Variants in ROBO2 observed in about 807,000 individuals in gnomAD.
The protein encoded by ROBO2 is roundabout guidance receptor 2.
In ROBO2, 53 loss-of-function variants were observed where a neutral mutation model predicts 160.8. That is an observed-to-expected ratio of 0.33 (90% CI 0.26 to 0.41). The LOEUF is 0.41. Ranked by LOEUF, ROBO2 falls within the 10% of genes least tolerant of loss-of-function variation. The pLI, the probability that ROBO2 is intolerant of heterozygous loss-of-function variation, is 1.00. For missense variants in ROBO2, 1,577 were observed against 1,722.4 expected, an observed-to-expected ratio of 0.92 and a Z score of 1.49; for synonymous variants, 664 against 611.7, an observed-to-expected ratio of 1.09 and a Z score of -1.26.
At chr3:76,060,459 A>T (rs921463635) in intron 2 of ROBO2, among the ~76,000 whole-genome samples, 3 of 152,208 alleles carry the variant, frequency 2.0e-5, no homozygotes, top group African/African-American at 7.2e-5. Context: ...TTATAAAATT[A>T]TACTAGAGTG....
intron 2 of ROBO2, among the ~76,000 whole-genome samples, chr3:77,020,503 A>G (rs966332997): frequency 1.3e-5 from 2 of 152,202 alleles, no homozygotes; most frequent in Admixed American, 6.5e-5. Flanking sequence ...AATTTGCCCA[A>G]TGACTCTTAG....
chr3:77,008,729 T>A (rs2061713941), intron 2 of ROBO2, among the ~76,000 whole-genome samples: 1 of 152,138 alleles, frequency 6.6e-6, no homozygotes, highest in African/African-American at 2.4e-5. Context: ...TGTCAAGATA[T>A]GAAAATTAGA....
intron 2 of ROBO2, among the ~76,000 whole-genome samples, chr3:76,803,409 A>G (rs1408730863): frequency 1.9e-4 from 27 of 144,460 alleles, no homozygotes; most frequent in Middle Eastern, 3.5e-3. Flanking sequence ...GGATACAGAA[A>G]AGGAGGAGGA....
chr3:77,010,001 T>C (rs1005806541), intron 2 of ROBO2, among the ~76,000 whole-genome samples: 2 of 151,260 alleles, frequency 1.3e-5, no homozygotes, highest in East Asian at 3.9e-4. Flanking sequence ...CCTTGTTTTA[T>C]AGACATATTT....
chr3:76,296,590 A>G (rs1304410798), intron 2 of ROBO2, among the ~76,000 whole-genome samples: 1 of 152,146 alleles, frequency 6.6e-6, no homozygotes, highest in East Asian at 1.9e-4. Context: ...GTATCTGTTA[A>G]AACACTTCTA....
intron 2 of ROBO2, among the ~76,000 whole-genome samples, chr3:75,989,986 C>T (rs1263067864): frequency 6.6e-6 from 1 of 152,042 alleles, no homozygotes; most frequent in Non-Finnish European, 1.5e-5. Context: ...ATTGATTTCT[C>T]AAGGTATAAA....
At chr3:77,228,814 C>T (rs1023719879) in intron 2 of ROBO2, among the ~76,000 whole-genome samples, 1 of 151,964 alleles carries the variant, frequency 6.6e-6, no homozygotes, top group East Asian at 1.9e-4. Flanking sequence ...AATAAGAAGA[C>T]CCAATTATGT....
At chr3:77,613,400 G>A (rs1295962212) in intron 21 of ROBO2, among the ~76,000 whole-genome samples, 3 of 152,004 alleles carry the variant, frequency 2.0e-5, no homozygotes, top group African/African-American at 7.2e-5. Context: ...GGCAACGAAC[G>A]AGTGTAAGTA....
intron 2 of ROBO2, among the ~76,000 whole-genome samples, chr3:76,936,592 A>C (rs2149085185): frequency 6.6e-6 from 1 of 151,842 alleles, no homozygotes; most frequent in East Asian, 1.9e-4. Context: ...GAGCCAACAC[A>C]TTACAATTAC....
intron 2 of ROBO2, among the ~76,000 whole-genome samples, chr3:75,954,768 T>C (rs1270061866): frequency 1.3e-5 from 2 of 151,872 alleles, no homozygotes; most frequent in Admixed American, 6.6e-5. Context: ...TTACCCAAGA[T>C]TTTTCGAACA....
rs78084882 is a variant in ROBO2, at chr3:77,194,774, G to A, written c.388+96434G>A. Among the ~76,000 whole-genome samples, 158 of 152,188 alleles carry A rather than the reference G, an allele frequency of 1.0e-3. No homozygotes were observed. In the East Asian group the frequency reaches 0.018, roughly 18 times the overall value. On this transcript the variant is annotated intron_variant, in intron 2 of 25. Transcript: ENST00000461745. ...GATTTTTGGCCATTAGGACAAAATA[G>A]AAAATATAAAATTGCATTATTGGGT...
At chr3:77,445,807 T>TG (rs2080439693) in intron 2 of ROBO2, among the ~76,000 whole-genome samples, 1 of 150,634 alleles carries the variant, frequency 6.6e-6, no homozygotes, top group African/African-American at 2.4e-5. Flanking sequence ...TTTTTTTTTT[T>TG]TTTTGCTAAT....
chr3:77,060,475 G>T (rs1192363300), intron 1 of ROBO2, among the ~76,000 whole-genome samples: 1 of 152,108 alleles, frequency 6.6e-6, no homozygotes, highest in Non-Finnish European at 1.5e-5. Context: ...CTTGTATTTG[G>T]ATTGCTCATG....
At chr3:77,050,135 G>A (rs2065071222) in intron 1 of ROBO2, among the ~76,000 whole-genome samples, 1 of 151,948 alleles carries the variant, frequency 6.6e-6, no homozygotes, top group African/African-American at 2.4e-5. Context: ...GTAAATTAGG[G>A]GAAATTTAGA....
At chr3:75,980,574 T>C (rs553474577) in intron 2 of ROBO2, among the ~76,000 whole-genome samples, 35 of 151,550 alleles carry the variant, frequency 2.3e-4, no homozygotes, top group Non-Finnish European at 4.7e-4. Context: ...TCACATGAAA[T>C]ATGTCGAGTT....
At chr3:76,852,705 TAA>T (rs1161606452) in intron 2 of ROBO2, among the ~76,000 whole-genome samples, 2 of 152,168 alleles carry the variant, frequency 1.3e-5, no homozygotes, top group Non-Finnish European at 2.9e-5. Flanking sequence ...AATATTGTGT[TAA>T]GAGTAACATA....
At chr3:76,559,702 G>C (rs1166102457) in intron 2 of ROBO2, among the ~76,000 whole-genome samples, 2 of 152,070 alleles carry the variant, frequency 1.3e-5, no homozygotes, top group Non-Finnish European at 2.9e-5. Flanking sequence ...TGCACCTTTG[G>C]CTCCTGAGAT....
At chr3:76,309,211 G>GA (rs2071461005) in intron 2 of ROBO2, among the ~76,000 whole-genome samples, 1 of 152,180 alleles carries the variant, frequency 6.6e-6, no homozygotes, top group Non-Finnish European at 1.5e-5. Context: ...TGCATTTAAA[G>GA]AGAGAGGAAA....
chr3:76,550,388 C>G (rs1264059641), intron 2 of ROBO2, among the ~76,000 whole-genome samples: 1 of 152,208 alleles, frequency 6.6e-6, no homozygotes, highest in Non-Finnish European at 1.5e-5. Flanking sequence ...TCCATGAATT[C>G]AACAAATATT....
Sources: allele counts gnomAD v4.1 joint callset (sites outside exome capture counted in the v4.1 genomes callset), GRCh38; gene constraint gnomAD v4.1.1; transcripts MANE v1.5; gene names NCBI Gene and HGNC (gene_info 2026-07-23, HGNC 2026-07-21).